ARID4A: variants seen among roughly 807,000 people sequenced by gnomAD.
ARID4A encodes AT-rich interactive domain-containing protein 4A.
Under a neutral mutation model 148.6 loss-of-function variants are expected in ARID4A, and 39 were observed. The ratio of observed to expected loss-of-function variants is 0.26; its 90% CI spans 0.20 to 0.34. The LOEUF is 0.34. Among genes scored for constraint, ARID4A ranks in the 10% least tolerant of loss-of-function variants. The pLI is 1.00. For missense variants in ARID4A, 1,265 were observed against 1,449.1 expected (o/e 0.87, Z 2.06); for synonymous variants, 475 against 481.2 (o/e 0.99, Z 0.17).
rs45562837 is a variant in ARID4A, at chr14:58,301,615, C to G, written c.42C>G (p.Thr14=). The stretch of plus-strand genomic sequence containing the variant: ...AGCCTGCCTACCTGACAGTGGGAAC[C>G]GATGTCAGTGCCAAGTACCGAGGTG... ...ADEPAYLTVG[T]DVSAKYRGAF... The change falls in exon 3 of 24, where the codon ACC becomes ACG. Residue 14 remains threonine (T), a synonymous_variant. Coordinates refer to ENST00000355431, the MANE Select transcript of ARID4A (RefSeq NM_002892.4). 1.9e-6 allele frequency: 3 copies of G among 1,613,802 alleles called. No individual in the cohort carries two copies. In the Admixed American group the frequency reaches 5.0e-5, roughly 27 times the overall value.
chr14:58,332,188 G>A (rs1161610643), intron 11 of ARID4A, among the ~76,000 whole-genome samples: 4 of 152,004 alleles, frequency 2.6e-5, no homozygotes, highest in African/African-American at 4.8e-5. Context: ...AAGAGCAGAG[G>A]CAAAGCTCTG....
chr14:58,337,269 A>ATATATATATATATATATATATATATAC (rs1555361753), intron 11 of ARID4A, among the ~76,000 whole-genome samples: 1 of 51,148 alleles, frequency 2.0e-5, no homozygotes, highest in Non-Finnish European at 4.3e-5. Flanking sequence ...TATATATATA[A>ATATATATATATATATATATATATATAC]TTAAAACCGA....
rs538072654 is a variant in ARID4A, at chr14:58,343,551, G to A, written c.907-1144G>A. 9.9e-5 allele frequency among the ~76,000 whole-genome samples: 15 copies of A among 152,240 alleles called. 1 individual carries two copies. The South Asian group carries it at 3.1e-3, about 32-fold the overall frequency. On this transcript the variant is annotated intron_variant, in intron 11 of 23. Coordinates refer to ENST00000355431, the MANE Select transcript of ARID4A (RefSeq NM_002892.4). ...CTTTGTAAAGACAAAAATCCAGGCTGGGTGCTGTGGCTTATGCCTGTAATC... is the reference window on the plus strand; with the variant it reads ...CTTTGTAAAGACAAAAATCCAGGCTAGGTGCTGTGGCTTATGCCTGTAATC...
chr14:58,361,262 G>A (rs2035121271), intron 19 of ARID4A, among the ~76,000 whole-genome samples: 2 of 150,830 alleles, frequency 1.3e-5, no homozygotes, highest in Non-Finnish European at 2.9e-5. Context: ...TTTTAATATT[G>A]CATATACATA....
At chr14:58,357,903 A>T (rs761605186) in intron 17 of ARID4A, among the ~76,000 whole-genome samples, 3 of 152,190 alleles carry the variant, frequency 2.0e-5, no homozygotes, top group Non-Finnish European at 4.4e-5. Context: ...ATCAAAAGTG[A>T]TAGTAATCAT....
chr14:58,328,017 ATAAAT>A (rs998357831), intron 8 of ARID4A, among the ~76,000 whole-genome samples: 2 of 152,202 alleles, frequency 1.3e-5, no homozygotes, highest in African/African-American at 4.8e-5. Flanking sequence ...ATGACTATGG[ATAAAT>A]TAAATTTCTA....
intron 11 of ARID4A, among the ~76,000 whole-genome samples, chr14:58,340,592 C>T (rs1386937863): frequency 3.3e-5 from 5 of 152,282 alleles, no homozygotes; most frequent in East Asian, 3.9e-4. Context: ...TCAGGCAATC[C>T]GCCCATCTCG....
chr14:58,350,979 A>T, intron 15 of ARID4A, 94 bp from the exon 16 acceptor site: 1 of 1,307,778 alleles, frequency 7.6e-7, no homozygotes. Context: ...CAAGCCAGAG[A>T]CATTGCTATG....
At chr14:58,352,041 C>T (rs1412880428) in intron 16 of ARID4A, among the ~76,000 whole-genome samples, 1 of 152,112 alleles carries the variant, frequency 6.6e-6, no homozygotes, top group South Asian at 2.1e-4. Context: ...TTTTAGGACA[C>T]GACTAAAAAT....
At chr14:58,365,451 G>C (rs2035315786) in intron 20 of ARID4A, 67 bp from the exon 21 acceptor site, 1 of 1,056,372 alleles carries the variant, frequency 9.5e-7, no homozygotes, top group East Asian at 3.3e-5. Flanking sequence ...GTAGTCTGTT[G>C]AATAATATAC....
chr14:58,349,026 A>T (rs138575089), intron 15 of ARID4A, among the ~76,000 whole-genome samples: 157 of 152,230 alleles, frequency 1.0e-3, no homozygotes, highest in Non-Finnish European at 1.6e-3. Flanking sequence ...ATTCCTCCCC[A>T]ACCCTTAGCA....
chr14:58,365,390 T>G, intron 20 of ARID4A, 90 bp downstream of exon 20: 3 of 1,453,956 alleles, frequency 2.1e-6, no homozygotes, highest in Non-Finnish European at 1.8e-6. Flanking sequence ...GTAAAGTACT[T>G]TCTTTTTCTT....
chr14:58,326,560 G>A (rs1261427747), intron 8 of ARID4A, among the ~76,000 whole-genome samples: 2 of 152,172 alleles, frequency 1.3e-5, no homozygotes, highest in African/African-American at 4.8e-5. Flanking sequence ...TTTGAATCTA[G>A]GGCAGAAGGG....
At chr14:58,367,060 A>T (rs1278744268) in intron 23 of ARID4A, 31 bp downstream of exon 23, 1 of 1,381,856 alleles carries the variant, frequency 7.2e-7, no homozygotes, top group African/African-American at 1.5e-5. Context: ...CTCCCCTTAT[A>T]TTTCAAAACT....
chr14:58,317,261 A>T (rs1259349866), intron 5 of ARID4A, among the ~76,000 whole-genome samples: 91 of 148,708 alleles, frequency 6.1e-4, no homozygotes, highest in Non-Finnish European at 7.4e-4. Flanking sequence ...GATTTTTTTT[A>T]AAGTTTCTTT....
At chr14:58,353,367 T>C (rs2034722529) in intron 16 of ARID4A, 1 of 235,954 alleles carries the variant, frequency 4.2e-6, no homozygotes, top group African/African-American at 2.2e-5. Flanking sequence ...ATATTTTTCT[T>C]ATTTTGTTTT....
Position 58,344,780 on chromosome 14 carries a change from T to C in ARID4A, c.979+13T>C. On this transcript the variant is annotated intron_variant, in intron 12 of 23. Transcript: ENST00000355431. ...ATGGAAGACAGAGGTATTTTCATGC[T>C]CATTATTTTAAAGTAGTCATTTCTT... The C allele has an allele frequency of 6.3e-7, 1 of 1,594,586 alleles. No individual in the cohort carries two copies. Among genetic ancestry groups the C allele is most frequent in the Non-Finnish European group, 8.6e-7 (1 of 1,164,676 alleles).
At chr14:58,367,133 T>C (rs1425031991) in intron 23 of ARID4A, 104 bp downstream of exon 23, 1 of 904,262 alleles carries the variant, frequency 1.1e-6, no homozygotes, top group Non-Finnish European at 1.5e-6. Flanking sequence ...CATTCATTAA[T>C]TGCTGTTTTT....
intron 15 of ARID4A, among the ~76,000 whole-genome samples, chr14:58,349,368 C>T (rs879160063): frequency 3.3e-5 from 5 of 151,944 alleles, no homozygotes; most frequent in East Asian, 3.9e-4. Flanking sequence ...AAAGTGCTGC[C>T]GGGCGCGGTG....
Sources: gnomAD v4.1 joint callset for allele counts (sites outside exome capture counted in the v4.1 genomes callset) on GRCh38, gnomAD v4.1.1 for gene constraint, MANE v1.5 for transcripts, NCBI Gene and HGNC (gene_info 2026-07-23, HGNC 2026-07-21) for gene names.